Variants in NAALADL2 observed in about 807,000 individuals in gnomAD.
NAALADL2 encodes the protein N-acetylated alpha-linked acidic dipeptidase like 2, also known as inactive N-acetylated-alpha-linked acidic dipeptidase-like protein 2.
A neutral mutation model predicts 87.2 loss-of-function variants in NAALADL2; 76 were observed. That is an observed-to-expected ratio of 0.87 (90% CI 0.72 to 1.05). The LOEUF is 1.05. Among genes scored for constraint, NAALADL2 ranks in the 50% least tolerant of loss-of-function variants. The pLI is 0.00. For missense variants in NAALADL2, 1,089 were observed against 945.8 expected, an observed-to-expected ratio of 1.15 and a Z score of -1.99; for synonymous variants, 354 against 331.0, an observed-to-expected ratio of 1.07 and a Z score of -0.75.
intron 10 of NAALADL2, among the ~76,000 whole-genome samples, chr3:175,582,420 G>A (rs769443933): frequency 1.4e-4 from 22 of 152,126 alleles, no homozygotes; most frequent in African/African-American, 1.9e-4. Context: ...TATAGCATAC[G>A]CACTATATTT....
chr3:174,671,965 G>A (rs1211234153), intron 2 of NAALADL2, among the ~76,000 whole-genome samples: 11 of 76,110 alleles, frequency 1.4e-4, no homozygotes, highest in Non-Finnish European at 3.3e-4. Flanking sequence ...GATGATGACA[G>A]TGGTGATGAT....
At chr3:175,096,629 A>G (rs951977465) in intron 1 of NAALADL2, among the ~76,000 whole-genome samples, 161 bp from the exon 2 acceptor site, 1 of 151,950 alleles carries the variant, frequency 6.6e-6, no homozygotes, top group African/African-American at 2.4e-5. Context: ...ACAGAAAATT[A>G]TAAGATTAAT....
intron 11 of NAALADL2, among the ~76,000 whole-genome samples, chr3:175,663,580 T>A (rs890461270): frequency 3.3e-5 from 5 of 151,896 alleles, no homozygotes; most frequent in Admixed American, 3.3e-4. Context: ...TTATTGTTTA[T>A]TTATTTCTAC....
intron 3 of NAALADL2, among the ~76,000 whole-genome samples, chr3:174,798,070 A>G (rs541263676): frequency 1.4e-4 from 22 of 152,320 alleles, no homozygotes; most frequent in Admixed American, 1.1e-3. Flanking sequence ...GTTCTCTAAC[A>G]TGCGGATATT....
At chr3:174,645,774 A>C (rs902592263) in intron 2 of NAALADL2, among the ~76,000 whole-genome samples, 14 of 152,228 alleles carry the variant, frequency 9.2e-5, no homozygotes, top group African/African-American at 3.4e-4. Context: ...TGTGACTGGA[A>C]TGTGTAATTC....
intron 4 of NAALADL2, among the ~76,000 whole-genome samples, chr3:175,315,007 C>A (rs1048948066): frequency 6.6e-6 from 1 of 151,904 alleles, no homozygotes; most frequent in Admixed American, 6.6e-5. Flanking sequence ...CCTACCAAGT[C>A]CTTTTTAATT....
chr3:175,426,793 A>C (rs536844430), intron 5 of NAALADL2, among the ~76,000 whole-genome samples: 9 of 152,296 alleles, frequency 5.9e-5, no homozygotes, highest in African/African-American at 2.2e-4. Context: ...TATTTTAAAA[A>C]TATAGGATTA....
chr3:175,292,532 A>G (rs1209423754), intron 4 of NAALADL2, among the ~76,000 whole-genome samples: 1 of 151,436 alleles, frequency 6.6e-6, no homozygotes, highest in African/African-American at 2.4e-5. Context: ...TATTGTCACT[A>G]TTTGTCAGTG....
chr3:175,694,802 C>T (rs1209609058), intron 11 of NAALADL2, among the ~76,000 whole-genome samples: 1 of 152,146 alleles, frequency 6.6e-6, no homozygotes, highest in Non-Finnish European at 1.5e-5. Flanking sequence ...TAATCCTCTT[C>T]AGTCTCCCTG....
intron 4 of NAALADL2, among the ~76,000 whole-genome samples, chr3:175,307,419 G>T (rs1238421598): frequency 6.6e-6 from 1 of 152,010 alleles, no homozygotes; most frequent in African/African-American, 2.4e-5. Flanking sequence ...GTAAGTATAC[G>T]TATAGAAATT....
intron 5 of NAALADL2, among the ~76,000 whole-genome samples, chr3:175,373,519 T>C (rs186873755): frequency 1.5e-4 from 23 of 152,334 alleles, no homozygotes; most frequent in African/African-American, 5.5e-4. Context: ...TATTGCTGAG[T>C]ATATTCTATT....
intron 2 of NAALADL2, among the ~76,000 whole-genome samples, chr3:175,209,164 T>C (rs1268770375): frequency 6.6e-6 from 1 of 152,164 alleles, no homozygotes; most frequent in African/African-American, 2.4e-5. Flanking sequence ...ACATGTCGTC[T>C]GTTCCTAAAT....
intron 5 of NAALADL2, among the ~76,000 whole-genome samples, chr3:175,409,709 A>C (rs1401719967): frequency 6.6e-6 from 1 of 152,036 alleles, no homozygotes; most frequent in Non-Finnish European, 1.5e-5. Context: ...CAGTTATTAA[A>C]AAAAGTAGAT....
At chr3:174,453,096 C>A (rs920296708) in intron 1 of NAALADL2, among the ~76,000 whole-genome samples, 1 of 152,088 alleles carries the variant, frequency 6.6e-6, no homozygotes, top group Admixed American at 6.5e-5. Context: ...ATGTAACTGA[C>A]CTGATATAGC....
intron 2 of NAALADL2, among the ~76,000 whole-genome samples, chr3:174,585,055 G>A (rs1245977621): frequency 6.6e-6 from 1 of 151,930 alleles, no homozygotes; most frequent in Non-Finnish European, 1.5e-5. Context: ...CTTTTTATCT[G>A]TATATATAAG....
intron 2 of NAALADL2, among the ~76,000 whole-genome samples, chr3:174,655,025 C>A (rs532021321): frequency 1.3e-5 from 2 of 152,086 alleles, no homozygotes; most frequent in Admixed American, 1.3e-4. Context: ...GTGAGCTTAC[C>A]GTGCCTGGCC....
In NAALADL2 at chr3:175,065,182, T is replaced by A. The variant is rs905177287; in HGVS notation, c.44-31608T>A. Among the ~76,000 whole-genome samples, 4 of 152,178 alleles carry A rather than the reference T, an allele frequency of 2.6e-5. No homozygotes were observed. In the East Asian group the frequency reaches 7.7e-4, roughly 29 times the overall value. ...GCGAGACATTACTATTGAGACCTTA[T>A]GTAATTTACTTACCTGGGCACTGTG... On this transcript the variant is annotated intron_variant, in intron 1 of 13. Transcript: ENST00000454872.
intron 2 of NAALADL2, among the ~76,000 whole-genome samples, chr3:175,123,617 A>G (rs1409301269): frequency 1.3e-5 from 2 of 151,818 alleles, no homozygotes; most frequent in Non-Finnish European, 2.9e-5. Flanking sequence ...GATGCACCCT[A>G]CCGTTTACTT....
At chr3:174,587,459 T>G (rs1182750050) in intron 2 of NAALADL2, among the ~76,000 whole-genome samples, 2 of 152,236 alleles carry the variant, frequency 1.3e-5, no homozygotes, top group Non-Finnish European at 2.9e-5. Flanking sequence ...TGATGCAGTT[T>G]CTTCCTAGCA....
Sources: gnomAD v4.1 joint callset for allele counts (sites outside exome capture counted in the v4.1 genomes callset) on GRCh38, gnomAD v4.1.1 for gene constraint, MANE v1.5 for transcripts, NCBI Gene and HGNC (gene_info 2026-07-23, HGNC 2026-07-21) for gene names.